PCNX4: variants seen among roughly 807,000 people sequenced by gnomAD.
PCNX4 encodes pecanex-like protein 4.
In PCNX4, 103 loss-of-function variants were observed where a neutral mutation model predicts 107.2. The ratio of observed to expected loss-of-function variants is 0.96; its 90% CI spans 0.82 to 1.13. The LOEUF (loss-of-function observed/expected upper bound fraction) is 1.13. Ranked by LOEUF, PCNX4 falls within the 50% of genes most tolerant of loss-of-function variation. PCNX4 has a pLI of 0.00. For missense variants in PCNX4, 1,528 were observed against 1,379.4 expected (o/e 1.11, Z -1.71); for synonymous variants, 541 against 481.7 (o/e 1.12, Z -1.61).
At chr14:60,107,103 C>T (rs2140537834) in intron 1 of PCNX4, among the ~76,000 whole-genome samples, 1 of 152,238 alleles carries the variant, frequency 6.6e-6, no homozygotes, top group South Asian at 2.1e-4. Context: ...AAAAACAAGG[C>T]TGAGCACAGT....
intron 2 of PCNX4, among the ~76,000 whole-genome samples, chr14:60,112,255 T>C (rs921971514): frequency 6.6e-6 from 1 of 152,202 alleles, no homozygotes; most frequent in African/African-American, 2.4e-5. Flanking sequence ...TTAGCCACTG[T>C]AGAAAAAATC....
Position 60,124,545 on chromosome 14 carries a change from C to T in PCNX4, c.2374C>T (p.Pro792Ser). 6.2e-7 allele frequency: 1 copy of T among 1,613,722 alleles called. No homozygotes were observed. The highest frequency in any genetic ancestry group is 1.3e-5 in the African/African-American group (1 of 75,018). The part of the protein sequence containing the change: ...VHNTENKGKA[P>S]LMLPALNTLP... ...CAACACTGAAAATAAAGGGAAAGCACCTCTAATGTTGCCTGCTTTGAACAC... is the reference window on the plus strand; with the variant it reads ...CAACACTGAAAATAAAGGGAAAGCATCTCTAATGTTGCCTGCTTTGAACAC... The change falls in exon 9 of 11, where the codon CCT becomes TCT. Residue 792 changes from proline to serine, a missense_variant. Physicochemically the swap from Pro to Ser is moderately conservative, Grantham distance 74. Transcript: ENST00000406854.
chr14:60,095,294 G>A (rs1041122204), intron 1 of PCNX4, among the ~76,000 whole-genome samples: 3 of 152,156 alleles, frequency 2.0e-5, no homozygotes, highest in Admixed American at 6.5e-5. Flanking sequence ...AATATTAGGG[G>A]AATCTGCATT....
intron 10 of PCNX4, among the ~76,000 whole-genome samples, chr14:60,126,501 C>G (rs1313069860): frequency 6.6e-6 from 1 of 152,108 alleles, no homozygotes; most frequent in African/African-American, 2.4e-5. Context: ...AATGAACACA[C>G]ATTTATTCAA....
rs1435357098 is a variant in PCNX4 at position 60,134,065 on chromosome 14, T to C, written c.3363T>C (p.Leu1121=). The C allele has an allele frequency of 2.5e-5, 40 of 1,613,694 alleles. No individual in the cohort carries two copies. The highest frequency in any genetic ancestry group is 3.2e-5 in the Non-Finnish European group (38 of 1,179,790). The change falls in exon 11 of 11, where the codon CTT becomes CTC. Residue 1121 remains leucine, a synonymous_variant. Coordinates refer to ENST00000406854, the MANE Select transcript of PCNX4 (RefSeq NM_001330177.2). The part of the protein sequence containing the change: ...PEAVRGQWAN[L]SWELLYATND... The stretch of plus-strand genomic sequence containing the variant: ...CTGTTAGAGGTCAGTGGGCCAATCT[T>C]TCATGGGAATTACTTTATGCCACAA...
chr14:60,115,015 C>G lies in PCNX4; in HGVS notation c.911C>G (p.Ala304Gly), dbSNP rs1362819871. Reference sequence around the variant, plus strand: ...ATCATGTCTGCTGGAACAGCTATAGCATCATATTTCATTCCAAGCACTGTT... The same window carrying G: ...ATCATGTCTGCTGGAACAGCTATAGGATCATATTTCATTCCAAGCACTGTT... ...MFIMSAGTAI[A>G]SYFIPSTVGV... The change falls in exon 4 of 11, where the codon GCA becomes GGA. Residue 304 changes from alanine (A) to glycine (G), a missense_variant. By Grantham distance (60) the Ala-to-Gly change is moderately conservative (BLOSUM62 0). Transcript: ENST00000406854. The G allele has an allele frequency of 2.5e-6, 4 of 1,612,136 alleles. No homozygotes were observed. In the Admixed American group the frequency reaches 6.7e-5, roughly 27 times the overall value.
In PCNX4 at chr14:60,118,580, G is replaced by A. The variant is rs1368056305; in HGVS notation, c.1830G>A (p.Trp610Ter). 6.2e-7 allele frequency: 1 copy of A among 1,613,658 alleles called. No individual in the cohort carries two copies. Among genetic ancestry groups the A allele is most frequent in the Non-Finnish European group, 8.5e-7 (1 of 1,179,800 alleles). Residue 610 changes from tryptophan (W) to a stop codon, truncating the protein, a stop_gained, in exon 7 of 11, where the codon TGG (tryptophan) becomes TGA (stop). Transcript: ENST00000406854. LOFTEE classifies it high-confidence loss of function. ...GGTTTCCCCGACCTATTCAGAGTTG[G>A]CCAGGAGCAGCAGGCACCACAGCCT... ...LVGFPRPIQS[W>*]PGAAGTTACV...
rs1194711021 is a variant in PCNX4, at chr14:60,135,246, T to C, written c.*1025T>C. 2 of 152,238 alleles carry C rather than the reference T, an allele frequency of 1.3e-5. No homozygotes were observed. The highest frequency in any genetic ancestry group is 2.9e-5 in the Non-Finnish European group (2 of 68,030). 9.4% of individuals were successfully genotyped at this position (152,238 alleles called of 1,614,324 possible). On this transcript the variant is annotated 3_prime_UTR_variant, in exon 11 of 11. Transcript: ENST00000406854. ...TTCTCCTTAGAAATCATTCAAATTA[T>C]ATGAAATGTACCAGTTAAGTTGTTA...
chr14:60,101,207 T>C (rs1352990429), intron 1 of PCNX4, among the ~76,000 whole-genome samples: 1 of 152,214 alleles, frequency 6.6e-6, no homozygotes, highest in Non-Finnish European at 1.5e-5. Flanking sequence ...GACCAATGTG[T>C]TTCTTAAATG....
chr14:60,144,776 C>T lies in PCNX4; in HGVS notation c.*10555C>T. On this transcript the variant is annotated 3_prime_UTR_variant, in exon 11 of 11. Coordinates refer to ENST00000406854, the MANE Select transcript of PCNX4 (RefSeq NM_001330177.2). ...TCCAAGAATATAGTATGAGTTAATA[C>T]CTTTTTTGCAAGATTCATGGCAATC... 1.7e-6 allele frequency: 1 copy of T among 588,120 alleles called. No homozygotes were observed. Among genetic ancestry groups the T allele is most frequent in the Non-Finnish European group, 3.0e-6 (1 of 336,508 alleles). 36.4% of individuals were successfully genotyped at this position (588,120 alleles called of 1,614,324 possible).
chr14:60,108,041 A>G lies in PCNX4; in HGVS notation c.403A>G (p.Lys135Glu), dbSNP rs760537051. 1 of 1,612,908 alleles carries G rather than the reference A, an allele frequency of 6.2e-7. No individual in the cohort carries two copies. The highest frequency in any genetic ancestry group is 8.5e-7 in the Non-Finnish European group (1 of 1,179,886). Residue 135 changes from lysine (K) to glutamate (E), a missense_variant, in exon 2 of 11, where the codon AAA becomes GAA. By Grantham distance (56) the Lys-to-Glu change is moderately conservative. Coordinates refer to ENST00000406854, the MANE Select transcript of PCNX4 (RefSeq NM_001330177.2). ...ETVKFLIPGK[K>E]YVANTVFHSI... ...TGTCAAATTTCTCATTCCTGGCAAG[A>G]AATATGTAGCCAATACAGTTTTTCA... is the stretch of plus-strand genomic sequence containing the variant.
chr14:60,118,704 G>A lies in PCNX4; in HGVS notation c.1942+12G>A. ...AGCTGGAAGTTTAGGTAAGTAAATG[G>A]GTTGTGCTCAAGAATTTCTCACTAA... On this transcript the variant is annotated intron_variant, in intron 7 of 10. Coordinates refer to ENST00000406854, the MANE Select transcript of PCNX4 (RefSeq NM_001330177.2). 6.5e-7 allele frequency: 1 copy of A among 1,534,730 alleles called. No individual in the cohort carries two copies. The highest frequency in any genetic ancestry group is 1.3e-5 in the South Asian group (1 of 79,562).
In PCNX4 at chr14:60,124,207, T is replaced by G; in HGVS notation, c.2047-11T>G. 6.6e-7 allele frequency: 1 copy of G among 1,524,554 alleles called. No individual in the cohort carries two copies. The highest frequency in any genetic ancestry group is 8.8e-7 in the Non-Finnish European group (1 of 1,138,504). The allele number at this position is 1,524,554 out of a possible 1,614,324, so 94.4% of individuals were successfully genotyped here. On this transcript the variant is annotated splice_polypyrimidine_tract_variant and intron_variant, in intron 8 of 10. Transcript: ENST00000406854. The stretch of plus-strand genomic sequence containing the variant: ...GATTATAAACTCAAGTACTTTTTAT[T>G]TCTTCTTTAGGGGTTAGAATTGCAG...
intron 5 of PCNX4, 34 bp downstream of exon 5, chr14:60,115,853 A>G (rs956892881): frequency 1.3e-6 from 2 of 1,592,870 alleles, no homozygotes; most frequent in African/African-American, 1.3e-5. Context: ...GTATTTTCCT[A>G]TTGCTAAGTT....
chr14:60,134,017 A>G lies in PCNX4; in HGVS notation c.3315A>G (p.Gln1105=). The change falls in exon 11 of 11, where the codon CAA becomes CAG. Residue 1105 remains glutamine, a synonymous_variant. Coordinates refer to ENST00000406854, the MANE Select transcript of PCNX4 (RefSeq NM_001330177.2). ...RVLSLQELLI[Q]VGKLNPEAVR... ...TTAGCCTTCAAGAATTATTGATCCA[A>G]GTGGGAAAGTTAAATCCTGAAGCTG... 1 of 1,613,634 alleles carries G rather than the reference A, an allele frequency of 6.2e-7. No homozygotes were observed. Among genetic ancestry groups the G allele is most frequent in the Non-Finnish European group, 8.5e-7 (1 of 1,179,666 alleles).
At position 60,114,855 on chromosome 14, in the gene PCNX4, G is replaced by A. The variant is rs1167226753; in HGVS notation, c.845G>A (p.Gly282Asp). 5.0e-6 allele frequency: 8 copies of A among 1,612,322 alleles called. No homozygotes were observed. The highest frequency in any genetic ancestry group is 6.8e-6 in the Non-Finnish European group (8 of 1,179,302). Residue 282 changes from glycine (G) to aspartate (D), a missense_variant, in exon 3 of 11, where the codon GGC (glycine) becomes GAC (aspartate). By Grantham distance (94) the Gly-to-Asp change is moderately conservative. Transcript: ENST00000406854. Reference sequence around the variant, plus strand: ...CAGGTTTTAGAGTTCGGCCTTGGAGGCTCATCTATGTCAACCCACTTACGG... The same window carrying A: ...CAGGTTTTAGAGTTCGGCCTTGGAGACTCATCTATGTCAACCCACTTACGG... ...MEQVLEFGLGGSSMSTHLRLL... is the reference protein window; with the variant it reads ...MEQVLEFGLGDSSMSTHLRLL...
chr14:60,102,504 AGATT>A (rs1895552315), intron 1 of PCNX4, among the ~76,000 whole-genome samples: 1 of 152,294 alleles, frequency 6.6e-6, no homozygotes, highest in Non-Finnish European at 1.5e-5. Flanking sequence ...GTACGTTGCC[AGATT>A]GATCTCTGTT....
At chr14:60,097,022 G>C (rs1595158004) in intron 1 of PCNX4, among the ~76,000 whole-genome samples, 2 of 146,906 alleles carry the variant, frequency 1.4e-5, no homozygotes, top group South Asian at 4.4e-4. Flanking sequence ...CTTGCCTCAT[G>C]TTTTCCAATT....
rs1212906854 is a variant in PCNX4, at chr14:60,126,036, A to G, written c.3267+213A>G. The G allele has an allele frequency of 2.0e-5, 7 of 355,244 alleles. No individual in the cohort carries two copies. In the Admixed American group the frequency reaches 2.3e-4, roughly 12 times the overall value. 22.0% of individuals were successfully genotyped at this position (355,244 alleles called of 1,614,324 possible). On this transcript the variant is annotated intron_variant, in intron 10 of 10. Coordinates refer to ENST00000406854, the MANE Select transcript of PCNX4 (RefSeq NM_001330177.2). ...ACTTTTGCCAACTGAAGAGGAGCCA[A>G]TTAAAAATGTTGTGTAGCCATAGTG...
Sources: gnomAD v4.1 joint callset for allele counts (sites outside exome capture counted in the v4.1 genomes callset) on GRCh38, gnomAD v4.1.1 for gene constraint, MANE v1.5 for transcripts, NCBI Gene and HGNC (gene_info 2026-07-23, HGNC 2026-07-21) for gene names.